GALNT13: variants seen among roughly 807,000 people sequenced by gnomAD.
GALNT13 encodes the protein UDP-GalNAc:polypeptide N-acetylgalactosaminyltransferase 13.
In GALNT13, 28 loss-of-function variants were observed where a neutral mutation model predicts 64.2. The ratio of observed to expected loss-of-function variants is 0.44; its 90% CI spans 0.32 to 0.60. GALNT13 has a LOEUF of 0.60. Ranked by LOEUF, GALNT13 falls within the 20% of genes least tolerant of loss-of-function variation. The probability of loss-of-function intolerance (pLI) is 0.05; values close to 1 mark genes in which losing one functional copy is unlikely to be tolerated. For missense variants in GALNT13, 577 were observed against 669.8 expected (o/e 0.86, Z 1.53); for synonymous variants, 214 against 224.6 (o/e 0.95, Z 0.42).
At chr2:154,330,193 G>C (rs1191952365) in intron 9 of GALNT13, among the ~76,000 whole-genome samples, 2 of 152,048 alleles carry the variant, frequency 1.3e-5, no homozygotes, top group Non-Finnish European at 2.9e-5. Context: ...TTTTAAAAAT[G>C]CATTTTAAAT....
intron 3 of GALNT13, among the ~76,000 whole-genome samples, chr2:154,122,105 A>T (rs1286767636): frequency 6.6e-6 from 1 of 152,016 alleles, no homozygotes. Context: ...TAATAAGTTA[A>T]TATGTGAATT....
At chr2:153,839,543 A>G in the GALNT13 span, among the ~76,000 whole-genome samples, 3 of 151,806 alleles carry the variant, frequency 2.0e-5, no homozygotes, top group East Asian at 5.8e-4. Context: ...TTCTGTTAAT[A>G]TTGTATATTA....
At chr2:153,202,623 A>C in the GALNT13 span, among the ~76,000 whole-genome samples, 3 of 152,226 alleles carry the variant, frequency 2.0e-5, no homozygotes, top group African/African-American at 7.2e-5. Context: ...TCACAAATGA[A>C]GCAAACACAT....
chr2:154,351,411 A>C (rs986381417), intron 9 of GALNT13, among the ~76,000 whole-genome samples: 114 of 152,008 alleles, frequency 7.5e-4, no homozygotes, highest in African/African-American at 2.7e-3. Flanking sequence ...TGGCCGGGCA[A>C]GGTGGCTCAC....
chr2:154,327,009 A>G (rs1300808740), intron 9 of GALNT13, among the ~76,000 whole-genome samples: 1 of 152,044 alleles, frequency 6.6e-6, no homozygotes, highest in Non-Finnish European at 1.5e-5. Context: ...TGTCTCCCCA[A>G]CCCAGATCTC....
At chr2:153,652,865 C>T in the GALNT13 span, among the ~76,000 whole-genome samples, 2 of 151,924 alleles carry the variant, frequency 1.3e-5, no homozygotes, top group Non-Finnish European at 2.9e-5. Context: ...ATAGGTGAAT[C>T]AGTAAAAAGT....
intron 3 of GALNT13, among the ~76,000 whole-genome samples, chr2:153,969,996 ATATTCACCAT>A (rs906102350): frequency 9.9e-5 from 15 of 152,188 alleles, no homozygotes; most frequent in African/African-American, 3.4e-4. Context: ...TATTATAAAC[ATATTCACCAT>A]TATTAGAGCT....
chr2:153,088,616 T>C, the GALNT13 span, among the ~76,000 whole-genome samples: 1 of 152,186 alleles, frequency 6.6e-6, no homozygotes, highest in African/African-American at 2.4e-5. Context: ...GGTCTAGTAG[T>C]AATTGTTTTG....
At chr2:153,117,823 A>G in the GALNT13 span, among the ~76,000 whole-genome samples, 8 of 151,974 alleles carry the variant, frequency 5.3e-5, no homozygotes, top group African/African-American at 1.9e-4. Flanking sequence ...TGTATTCCTT[A>G]TGCTTGTTAT....
At chr2:153,090,552 T>C in the GALNT13 span, among the ~76,000 whole-genome samples, 1 of 152,220 alleles carries the variant, frequency 6.6e-6, no homozygotes, top group Non-Finnish European at 1.5e-5. Context: ...CATGAGTTGC[T>C]GTAATGGGCT....
At chr2:153,361,019 C>G in the GALNT13 span, among the ~76,000 whole-genome samples, 4 of 152,078 alleles carry the variant, frequency 2.6e-5, no homozygotes, top group African/African-American at 9.7e-5. Context: ...GTGGATGGAG[C>G]AGGCACCCAT....
the GALNT13 span, among the ~76,000 whole-genome samples, chr2:153,465,899 C>T: frequency 6.6e-6 from 1 of 152,092 alleles, no homozygotes; most frequent in East Asian, 1.9e-4. Context: ...GGTCTTGCTA[C>T]TTCAGTAACG....
chr2:153,296,366 A>G, the GALNT13 span, among the ~76,000 whole-genome samples: 1 of 152,308 alleles, frequency 6.6e-6, no homozygotes, highest in Non-Finnish European at 1.5e-5. Flanking sequence ...ACTTCTGATA[A>G]TTGGCACCTA....
At position 154,452,120 on chromosome 2, in the gene GALNT13, G is replaced by C. The variant is rs559617089; in HGVS notation, c.*1569G>C. On this transcript the variant is annotated 3_prime_UTR_variant, in exon 13 of 13. Transcript: ENST00000392825. ...GACTTTTTATTGGTACAACTGTAGG[G>C]AAGAATCTACAACCTGGAGCATTTC... 1 of 152,174 alleles carries C rather than the reference G, an allele frequency of 6.6e-6. No individual in the cohort carries two copies. The highest frequency in any genetic ancestry group is 2.4e-5 in the African/African-American group (1 of 41,532). The allele number at this position is 152,174 out of a possible 1,614,324, so 9.4% of individuals were successfully genotyped here. A position where few individuals can be genotyped will look rare whatever the true frequency, so the allele number is the denominator to read the frequency against.
At chr2:153,545,359 A>G in the GALNT13 span, among the ~76,000 whole-genome samples, 1 of 152,168 alleles carries the variant, frequency 6.6e-6, no homozygotes, top group African/African-American at 2.4e-5. Context: ...GCTGCCACAC[A>G]TGTTGATTCC....
the GALNT13 span, among the ~76,000 whole-genome samples, chr2:153,569,653 G>A: frequency 3.9e-4 from 60 of 152,038 alleles, no homozygotes; most frequent in Admixed American, 1.8e-3. Context: ...TAGGACATCC[G>A]TCCCTTCAAG....
Position 154,265,952 on chromosome 2 carries a change from G to A in GALNT13, c.975+6814G>A, listed in dbSNP as rs370897682. The stretch of plus-strand genomic sequence containing the variant: ...TGTTCATTGCAGAAATGCAAGGTTG[G>A]TTTAGCATTCAAAAATCCATCAAGG... On this transcript the variant is annotated intron_variant, in intron 8 of 12. Transcript: ENST00000392825. 7.4e-4 allele frequency among the ~76,000 whole-genome samples: 112 copies of A among 152,276 alleles called. 1 individual carries two copies. Among genetic ancestry groups the A allele is most frequent in the African/African-American group, 2.2e-3 (90 of 41,548 alleles).
chr2:153,952,762 C>T (rs552740419), intron 3 of GALNT13, among the ~76,000 whole-genome samples: 8 of 152,006 alleles, frequency 5.3e-5, no homozygotes, highest in South Asian at 2.1e-4. Context: ...AAAGCCAGTC[C>T]GAGTCCCAAA....
At chr2:153,090,398 T>G in the GALNT13 span, among the ~76,000 whole-genome samples, 1 of 152,258 alleles carries the variant, frequency 6.6e-6, no homozygotes, top group East Asian at 1.9e-4. Context: ...TTAGATATGT[T>G]TAGCTTGCTA....
Sources: allele counts gnomAD v4.1 joint callset (sites outside exome capture counted in the v4.1 genomes callset), GRCh38; gene constraint gnomAD v4.1.1; transcripts MANE v1.5; gene names NCBI Gene and HGNC (gene_info 2026-07-23, HGNC 2026-07-21).